The following USP28 variants were observed in gnomAD, a reference collection of about 807,000 sequenced individuals.
USP28 encodes ubiquitin carboxyl-terminal hydrolase 28.
USP28 carries 113 observed loss-of-function variants against 145.0 expected under a neutral mutation model. That is an observed-to-expected ratio of 0.78 (90% confidence interval 0.67 to 0.91). The LOEUF is 0.91. USP28 is among the 40% of genes least tolerant of loss of function. The probability of loss-of-function intolerance (pLI) is 0.00; values close to 1 mark genes in which losing one functional copy is unlikely to be tolerated. For synonymous variants in USP28, 447 were observed against 450.9 expected (o/e 0.99, Z 0.11); for missense variants, 1,201 against 1,289.6 (o/e 0.93, Z 1.05).
intron 1 of USP28, among the ~76,000 whole-genome samples, chr11:113,858,145 C>T (rs749789801): frequency 6.6e-6 from 1 of 152,132 alleles, no homozygotes; most frequent in Non-Finnish European, 1.5e-5. Flanking sequence ...GGGTTACAGG[C>T]GTGAGCCACT....
At chr11:113,813,402 G>T (rs1410095437) in intron 15 of USP28, among the ~76,000 whole-genome samples, 1 of 152,100 alleles carries the variant, frequency 6.6e-6, no homozygotes, top group African/African-American at 2.4e-5. Flanking sequence ...TCCATTCCCA[G>T]AATTTATTCT....
exon 6 of USP28, chr11:113,834,262 C>T: frequency 3.1e-6 from 5 of 1,611,340 alleles, no homozygotes; most frequent in South Asian, 1.1e-5. Context: ...ATGACTTCGA[C>T]AATTTTCAAG....
At chr11:113,821,264 G>A (rs974767246) in intron 12 of USP28, 4 of 221,246 alleles carry the variant, frequency 1.8e-5, no homozygotes, top group Middle Eastern at 1.0e-3. Flanking sequence ...CAGGGGGAAG[G>A]ATGTACTCGT....
intron 3 of USP28, among the ~76,000 whole-genome samples, chr11:113,849,861 C>CT (rs1946272791): frequency 1.3e-5 from 2 of 152,292 alleles, no homozygotes; most frequent in African/African-American, 4.8e-5. Flanking sequence ...CAAATGGGTC[C>CT]TGACAGGTAT....
Position 113,875,482 on chromosome 11 carries a change from TG to T in USP28, c.19del (p.Gln7ArgfsTer19). 1 of 1,228,230 alleles carries T rather than the reference TG, an allele frequency of 8.1e-7. No homozygotes were observed. The highest frequency in any genetic ancestry group is 4.0e-5 in the Admixed American group (1 of 25,078). The allele number at this position is 1,228,230 out of a possible 1,614,324, so 76.1% of individuals were successfully genotyped here. The stretch of plus-strand genomic sequence containing the variant: ...GTCTGCCGCGCCGGCCGCGTCGTCC[TG>T]CTGCAGCTCCGCAGTCATGGCCGAG... On this transcript the variant is annotated frameshift_variant, in exon 1 of 25. Transcript: ENST00000003302. LOFTEE classifies it high-confidence loss of function.
chr11:113,847,033 T>G (rs1945940110), intron 3 of USP28, among the ~76,000 whole-genome samples: 1 of 152,160 alleles, frequency 6.6e-6, no homozygotes, highest in Non-Finnish European at 1.5e-5. Context: ...ATTATCACTA[T>G]AACTATTCCA....
chr11:113,847,705 C>A (rs11214739), intron 3 of USP28, among the ~76,000 whole-genome samples: 1 of 151,902 alleles, frequency 6.6e-6, no homozygotes, highest in Non-Finnish European at 1.5e-5. Context: ...AAATGTTACC[C>A]AAAAAGCTAA....
chr11:113,804,526 C>T (rs1000128181), intron 21 of USP28, 147 bp downstream of exon 22: 10 of 651,780 alleles, frequency 1.5e-5, no homozygotes, highest in Non-Finnish European at 2.3e-5. Flanking sequence ...AAGAAAATAT[C>T]ATTTATCCAT....
At chr11:113,841,079 C>T (rs145404999) in intron 4 of USP28, among the ~76,000 whole-genome samples, 24 of 152,254 alleles carry the variant, frequency 1.6e-4, no homozygotes, top group African/African-American at 5.8e-4. Flanking sequence ...ACCTCACCAT[C>T]GAATAGGGCA....
intron 15 of USP28, among the ~76,000 whole-genome samples, chr11:113,812,842 A>C (rs553729945): frequency 6.6e-6 from 1 of 152,362 alleles, no homozygotes; most frequent in South Asian, 2.1e-4. Flanking sequence ...TTGACCACTC[A>C]TGCTGAAAAT....
intron 12 of USP28, chr11:113,821,431 G>A: frequency 4.4e-6 from 1 of 225,900 alleles, no homozygotes; most frequent in South Asian, 8.2e-5. Context: ...AGTGAGCTTG[G>A]GTAGAGTTCT....
chr11:113,798,415 A>G (rs1224064363), exon 25 of USP28: 1 of 135,758 alleles, frequency 7.4e-6, no homozygotes, highest in Admixed American at 8.8e-5. Flanking sequence ...ACTGTCACAG[A>G]AAAAAAAAAA....
intron 1 of USP28, among the ~76,000 whole-genome samples, chr11:113,870,486 C>T (rs61907874): frequency 6.6e-6 from 1 of 152,174 alleles, no homozygotes; most frequent in Non-Finnish European, 1.5e-5. Context: ...ATAATCACAT[C>T]GCTGCACCCC....
At chr11:113,805,073 A>G (rs1295320262) in intron 19 of USP28, 27 bp from the exon 21 acceptor site, 1 of 1,609,342 alleles carries the variant, frequency 6.2e-7, no homozygotes, top group Middle Eastern at 1.7e-4. Context: ...CAATGGTTAG[A>G]AAATAGTGTG....
intron 3 of USP28, among the ~76,000 whole-genome samples, chr11:113,848,662 G>A (rs1426156763): frequency 1.3e-5 from 2 of 152,198 alleles, no homozygotes; most frequent in African/African-American, 4.8e-5. Flanking sequence ...ATGTGAAGTG[G>A]TTCCATCTTT....
intron 13 of USP28, among the ~76,000 whole-genome samples, chr11:113,816,618 A>T (rs1941780065): frequency 6.6e-6 from 1 of 152,192 alleles, no homozygotes; most frequent in Non-Finnish European, 1.5e-5. Context: ...GTCCATACTT[A>T]TGGAAAAATA....
intron 1 of USP28, among the ~76,000 whole-genome samples, chr11:113,854,780 A>T (rs1405437153): frequency 2.0e-5 from 3 of 152,232 alleles, no homozygotes; most frequent in Non-Finnish European, 4.4e-5. Flanking sequence ...GAAATGCCAA[A>T]TCTATTTCTC....
At chr11:113,834,978 T>C (rs1256917925) in intron 5 of USP28, among the ~76,000 whole-genome samples, 1 of 152,166 alleles carries the variant, frequency 6.6e-6, no homozygotes, top group Non-Finnish European at 1.5e-5. Flanking sequence ...CAGGGATACA[T>C]CCATGTGTGG....
chr11:113,803,795 T>C lies in USP28; in HGVS notation c.2738+3A>G, dbSNP rs1368518226. 2 of 1,612,460 alleles carry C rather than the reference T, an allele frequency of 1.2e-6. No homozygotes were observed. The highest frequency in any genetic ancestry group is 1.7e-6 in the Non-Finnish European group (2 of 1,178,940). ...ATCTTGGTAAAATAAAAGGCCAACA[T>C]ACTTTCCTTTTTGATAGAGTTCTAG... On this transcript the variant is annotated splice_donor_region_variant and intron_variant, in intron 22 of 24. Transcript: ENST00000003302.
Sources: gnomAD v4.1 joint callset for allele counts (sites outside exome capture counted in the v4.1 genomes callset) on GRCh38, gnomAD v4.1.1 for gene constraint, MANE v1.5 for transcripts, NCBI Gene and HGNC (gene_info 2026-07-23, HGNC 2026-07-21) for gene names.